Variants in RPS6KA2 observed in about 807,000 individuals in gnomAD.
RPS6KA2 encodes the protein ribosomal protein S6 kinase A2.
A neutral mutation model predicts 91.8 loss-of-function variants in RPS6KA2; 42 were observed. The ratio of observed to expected loss-of-function variants is 0.46; its 90% CI spans 0.36 to 0.59. The LOEUF (loss-of-function observed/expected upper bound fraction) is 0.59, where lower values mean the gene tolerates loss of function less well. Ranked by LOEUF, RPS6KA2 falls within the 20% of genes least tolerant of loss-of-function variation. RPS6KA2 has a pLI of 0.00. For missense variants in RPS6KA2, 798 were observed against 978.5 expected (o/e 0.82, Z 2.46); for synonymous variants, 414 against 393.6 (o/e 1.05, Z -0.61).
In RPS6KA2 at chr6:166,852,289, T is replaced by C. The variant is rs1309473828; in HGVS notation, c.123+5911A>G. ...GAGGTAATAAGCAGGGCCTGGAAGA[T>C]TGTTTTATCAATCTTCTTTCAAATC... On this transcript the variant is annotated intron_variant, in intron 2 of 21. Transcript: ENST00000503859. The surrounding 1 kb of genome is among the most constrained non-coding windows in gnomAD (Gnocchi z 4.1). 2.0e-5 allele frequency among the ~76,000 whole-genome samples: 3 copies of C among 152,184 alleles called. No individual in the cohort carries two copies. Among genetic ancestry groups the C allele is most frequent in the Non-Finnish European group, 2.9e-5 (2 of 68,030 alleles).
intron 2 of RPS6KA2, among the ~76,000 whole-genome samples, chr6:166,754,806 C>T (rs980048903): frequency 6.6e-6 from 1 of 152,190 alleles, no homozygotes. Context: ...TGGTGTGCTG[C>T]ACCCTCCCAA....
At chr6:166,776,824 T>A (rs528179) in intron 2 of RPS6KA2, among the ~76,000 whole-genome samples, 1 of 152,046 alleles carries the variant, frequency 6.6e-6, no homozygotes, top group East Asian at 1.9e-4. Context: ...GATGGACATG[T>A]GGGCTGTCTC....
chr6:166,474,314 C>G (rs188005124), intron 10 of RPS6KA2, among the ~76,000 whole-genome samples: 1 of 152,214 alleles, frequency 6.6e-6, no homozygotes, highest in African/African-American at 2.4e-5. Context: ...ACAAGAGCAA[C>G]GGAAAACCTC....
chr6:166,739,478 G>C (rs1465092996), intron 2 of RPS6KA2, among the ~76,000 whole-genome samples: 1 of 152,280 alleles, frequency 6.6e-6, no homozygotes, highest in South Asian at 2.1e-4. Context: ...TCTAAAATCC[G>C]GGCCCTGGCG....
rs530153990 is a variant in RPS6KA2 at position 166,733,275 on chromosome 6, C to G, written c.123+124925G>C. Among the ~76,000 whole-genome samples, 2 of 152,216 alleles carry G rather than the reference C, an allele frequency of 1.3e-5. No individual in the cohort carries two copies. The highest frequency in any genetic ancestry group is 2.9e-5 in the Non-Finnish European group (2 of 68,030). ...GTGGACGGCACTGTTCCCAAAGTCA[C>G]AGACCCTTTATGGACATGCAGGACT... On this transcript the variant is annotated intron_variant, in intron 2 of 21. Transcript: ENST00000503859. This position sits in a 1 kb window ranked among gnomAD's most constrained non-coding sequence, Gnocchi z 4.1.
intron 1 of RPS6KA2, among the ~76,000 whole-genome samples, chr6:166,584,098 A>C (rs1426571509): frequency 6.6e-6 from 1 of 152,236 alleles, no homozygotes; most frequent in Non-Finnish European, 1.5e-5. Context: ...ATAACAAAGT[A>C]CTATGGATTG....
At chr6:166,515,600 C>A (rs998939687) in intron 3 of RPS6KA2, among the ~76,000 whole-genome samples, 1 of 151,806 alleles carries the variant, frequency 6.6e-6, no homozygotes, top group African/African-American at 2.4e-5. Context: ...TCAACACAAG[C>A]TGGAGATTGC....
At chr6:166,491,552 G>T (rs573466772) in intron 8 of RPS6KA2, among the ~76,000 whole-genome samples, 88 of 152,344 alleles carry the variant, frequency 5.8e-4, no homozygotes, top group African/African-American at 2.0e-3. Context: ...TAAGTGGAAT[G>T]TGCCCAAGGA....
chr6:166,861,277 C>G (rs886302649), intron 1 of RPS6KA2, among the ~76,000 whole-genome samples: 8 of 152,166 alleles, frequency 5.3e-5, no homozygotes, highest in Non-Finnish European at 1.0e-4. Flanking sequence ...TTAAATTGGA[C>G]TTTGAGGAGG....
At chr6:166,706,646 C>T (rs1461809256) in intron 2 of RPS6KA2, among the ~76,000 whole-genome samples, 1 of 152,168 alleles carries the variant, frequency 6.6e-6, no homozygotes, top group Non-Finnish European at 1.5e-5. Context: ...CAGCCCTCCA[C>T]GACTGGATGG....
chr6:166,678,744 A>G (rs1475759819), intron 2 of RPS6KA2, among the ~76,000 whole-genome samples: 1 of 152,214 alleles, frequency 6.6e-6, no homozygotes, highest in Non-Finnish European at 1.5e-5. Context: ...GCAAGCGACA[A>G]AGAAAGGGGG....
chr6:166,709,500 G>GA (rs1258747100), intron 2 of RPS6KA2, among the ~76,000 whole-genome samples: 4 of 152,020 alleles, frequency 2.6e-5, no homozygotes, highest in African/African-American at 7.2e-5. Flanking sequence ...TGACCAAAAA[G>GA]AAAAAACTAT....
At chr6:166,780,868 T>C (rs375350588) in intron 2 of RPS6KA2, among the ~76,000 whole-genome samples, 1 of 152,182 alleles carries the variant, frequency 6.6e-6, no homozygotes, top group Non-Finnish European at 1.5e-5. Flanking sequence ...TTAAAAAATA[T>C]CTTGTAACAC....
chr6:166,547,060 C>T (rs974610439), intron 1 of RPS6KA2, among the ~76,000 whole-genome samples: 1 of 152,174 alleles, frequency 6.6e-6, no homozygotes, highest in African/African-American at 2.4e-5. Context: ...GCGATCCTTC[C>T]ACCTCAGCCC....
At chr6:166,571,746 T>C (rs1427501728) in intron 1 of RPS6KA2, among the ~76,000 whole-genome samples, 1 of 152,176 alleles carries the variant, frequency 6.6e-6, no homozygotes, top group Admixed American at 6.5e-5. Flanking sequence ...TTTGCCACGT[T>C]GAGCGTGGTG....
chr6:166,784,765 A>G (rs940627208), intron 2 of RPS6KA2, among the ~76,000 whole-genome samples: 3 of 137,402 alleles, frequency 2.2e-5, no homozygotes, highest in Non-Finnish European at 4.8e-5. Context: ...CTATGTATGC[A>G]TGTCTATACA....
intron 1 of RPS6KA2, among the ~76,000 whole-genome samples, chr6:166,544,265 T>C (rs1039249765): frequency 4.6e-5 from 7 of 152,224 alleles, no homozygotes; most frequent in African/African-American, 1.2e-4. Context: ...GGAATGCTTT[T>C]AAAGGGAGAG....
At chr6:166,780,568 A>G (rs1778743020) in intron 2 of RPS6KA2, among the ~76,000 whole-genome samples, 1 of 152,078 alleles carries the variant, frequency 6.6e-6, no homozygotes, top group South Asian at 2.1e-4. Context: ...TGCGTATACC[A>G]CAGAAGCCAG....
At chr6:166,510,501 T>A (rs1168196964) in intron 3 of RPS6KA2, 144 bp from the exon 4 acceptor site, 17 of 390,818 alleles carry the variant, frequency 4.3e-5, no homozygotes, top group Non-Finnish European at 7.7e-5. Context: ...AGTTGTACAA[T>A]AATCCTAGAT....
Sources: gnomAD v4.1 joint callset for allele counts (sites outside exome capture counted in the v4.1 genomes callset) on GRCh38, gnomAD v4.1.1 for gene constraint, Gnocchi (gnomAD v3.1) non-coding constraint, MANE v1.5 for transcripts, NCBI Gene and HGNC (gene_info 2026-07-23, HGNC 2026-07-21) for gene names.